Variants in SMAD6 observed in about 807,000 individuals in gnomAD.
The protein encoded by SMAD6 is SMAD family member 6, also known as MAD homolog 6.
SMAD6 carries 103 observed loss-of-function variants against 39.4 expected under a neutral mutation model. The observed-to-expected ratio is 2.62, with a 90% CI of 2.23 to 3.08. The LOEUF (loss-of-function observed/expected upper bound fraction) is 3.08. Ranked by LOEUF, SMAD6 falls within the 30% of genes most tolerant of loss-of-function variation. The probability of loss-of-function intolerance (pLI) is 0.00; values close to 1 mark genes in which losing one functional copy is unlikely to be tolerated. For synonymous variants in SMAD6, 445 were observed against 353.3 expected (o/e 1.26, Z -2.91); for missense variants, 1,104 against 742.9 (o/e 1.49, Z -5.65).
intron 3 of SMAD6, among the ~76,000 whole-genome samples, chr15:66,719,969 C>T (rs1175564109): frequency 1.3e-5 from 2 of 152,152 alleles, no homozygotes; most frequent in Non-Finnish European, 1.5e-5. Flanking sequence ...GGAGACCTTA[C>T]ACCTGGAGTC....
In SMAD6 at chr15:66,743,000, G is replaced by A. The variant is rs141845789; in HGVS notation, c.952+26502G>A. On this transcript the variant is annotated intron_variant, in intron 3 of 3. Transcript: ENST00000288840. ...TGTGGTGGTGGTCCGTGCCCTGACCGTGTGACCGTTCCCTCTGTGGGCCTC... is the reference window on the plus strand; with the variant it reads ...TGTGGTGGTGGTCCGTGCCCTGACCATGTGACCGTTCCCTCTGTGGGCCTC... 5.2e-3 allele frequency among the ~76,000 whole-genome samples: 798 copies of A among 152,184 alleles called. 8 individuals carry two copies. Among genetic ancestry groups the A allele is most frequent in the African/African-American group, 0.018 (758 of 41,508 alleles).
chr15:66,744,739 A>G (rs1893878303), intron 3 of SMAD6, among the ~76,000 whole-genome samples: 1 of 152,242 alleles, frequency 6.6e-6, no homozygotes, highest in Non-Finnish European at 1.5e-5. Flanking sequence ...AGAGTGGTCT[A>G]GATCCCAGCA....
At chr15:66,725,833 G>A (rs550218235) in intron 3 of SMAD6, among the ~76,000 whole-genome samples, 5 of 152,282 alleles carry the variant, frequency 3.3e-5, no homozygotes, top group African/African-American at 1.2e-4. Flanking sequence ...GAGAAATGAG[G>A]TGAAATGGGG....
rs1256625981 is a variant in SMAD6, at chr15:66,752,477, A to AT, written c.953-28520_953-28519insT. ...AATGCTCACAGTTGAATGGAAGCAG[A>AT]CTCACAATTTAAAAATACATACATA... is the stretch of plus-strand genomic sequence containing the variant. On this transcript the variant is annotated intron_variant, in intron 3 of 3. Transcript: ENST00000288840. Among the ~76,000 whole-genome samples the AT allele has an allele frequency of 2.6e-5, 4 of 152,068 alleles. No individual in the cohort carries two copies. The South Asian group carries it at 8.3e-4, about 31-fold the overall frequency.
intron 3 of SMAD6, among the ~76,000 whole-genome samples, chr15:66,717,950 A>G (rs1185482515): frequency 3.3e-5 from 5 of 152,238 alleles, no homozygotes; most frequent in Non-Finnish European, 7.3e-5. Context: ...ACATGAGTGA[A>G]AGCCACATAT....
chr15:66,754,362 G>A (rs1894060243), intron 3 of SMAD6, among the ~76,000 whole-genome samples: 1 of 152,136 alleles, frequency 6.6e-6, no homozygotes, highest in Non-Finnish European at 1.5e-5. Flanking sequence ...CGGTATTCAG[G>A]GGTTCATACT....
chr15:66,736,418 A>G (rs965138939), intron 3 of SMAD6, among the ~76,000 whole-genome samples: 1 of 152,166 alleles, frequency 6.6e-6, no homozygotes, highest in Non-Finnish European at 1.5e-5. Context: ...CATCTTGTAA[A>G]TGGTGGAGCT....
chr15:66,761,530 T>C (rs2140659383), intron 3 of SMAD6, among the ~76,000 whole-genome samples: 1 of 152,270 alleles, frequency 6.6e-6, no homozygotes, highest in East Asian at 1.9e-4. Flanking sequence ...CAGACCATTT[T>C]GCAAAAATAA....
intron 3 of SMAD6, among the ~76,000 whole-genome samples, chr15:66,770,820 T>G (rs1894367133): frequency 6.6e-6 from 1 of 152,172 alleles, no homozygotes. Flanking sequence ...GGGGGTTCCC[T>G]GCCTTGCTTG....
intron 3 of SMAD6, among the ~76,000 whole-genome samples, chr15:66,770,381 A>G (rs925037630): frequency 6.6e-6 from 1 of 152,118 alleles, no homozygotes; most frequent in South Asian, 2.1e-4. Context: ...GCACTGGTTT[A>G]TATGTGATCC....
chr15:66,718,683 C>T (rs570617326), intron 3 of SMAD6, among the ~76,000 whole-genome samples: 2 of 152,140 alleles, frequency 1.3e-5, no homozygotes, highest in African/African-American at 4.8e-5. Flanking sequence ...TTAGCTTTTC[C>T]AGCTTGCTCT....
chr15:66,757,485 G>A (rs1240605906), intron 3 of SMAD6, among the ~76,000 whole-genome samples: 1 of 152,188 alleles, frequency 6.6e-6, no homozygotes, highest in Non-Finnish European at 1.5e-5. Flanking sequence ...ATGGTGTGGG[G>A]CTGGCTGGAG....
At chr15:66,724,423 C>G (rs1733369927) in intron 3 of SMAD6, among the ~76,000 whole-genome samples, 2 of 152,156 alleles carry the variant, frequency 1.3e-5, no homozygotes. Context: ...GTACCTGTGC[C>G]AGGTACTCTC....
At chr15:66,776,631 C>T (rs923755837) in intron 3 of SMAD6, among the ~76,000 whole-genome samples, 7 of 152,202 alleles carry the variant, frequency 4.6e-5, no homozygotes, top group Admixed American at 2.6e-4. Context: ...AGTCCCTTGA[C>T]GCCCCCCAGG....
At chr15:66,707,954 T>A (rs1033953316) in intron 1 of SMAD6, 1 of 152,304 alleles carries the variant, frequency 6.6e-6, no homozygotes, top group Non-Finnish European at 1.5e-5. Flanking sequence ...GGCTTTAGAA[T>A]TTAGGTCTAG....
At chr15:66,716,622 C>T in intron 3 of SMAD6, 124 bp downstream of exon 3, 1 of 768,060 alleles carries the variant, frequency 1.3e-6, no homozygotes, top group East Asian at 2.5e-5. Context: ...TTCCTCCAAT[C>T]CTTGGATGGG....
chr15:66,759,569 A>G (rs1260050571), intron 3 of SMAD6, among the ~76,000 whole-genome samples: 1 of 152,184 alleles, frequency 6.6e-6, no homozygotes, highest in East Asian at 1.9e-4. Context: ...AGTAAACTTG[A>G]TGATCTACAT....
chr15:66,721,120 G>T (rs1030763115), intron 3 of SMAD6, among the ~76,000 whole-genome samples: 1 of 152,098 alleles, frequency 6.6e-6, no homozygotes, highest in Admixed American at 6.5e-5. Context: ...CAGAGTTTGG[G>T]AACAGAGGCT....
intron 3 of SMAD6, among the ~76,000 whole-genome samples, chr15:66,748,988 A>T: frequency 6.6e-6 from 1 of 152,234 alleles, no homozygotes; most frequent in South Asian, 2.1e-4. Context: ...GTCTAATTCA[A>T]TTGGTTCCCC....
Sources: gnomAD v4.1 joint callset for allele counts (sites outside exome capture counted in the v4.1 genomes callset) on GRCh38, gnomAD v4.1.1 for gene constraint, MANE v1.5 for transcripts, NCBI Gene and HGNC (gene_info 2026-07-23, HGNC 2026-07-21) for gene names.